C2CD3: variants seen among roughly 807,000 people sequenced by gnomAD.
The protein encoded by C2CD3 is C2 domain-containing protein 3.
C2CD3 carries 148 observed loss-of-function variants against 234.0 expected under a neutral mutation model. That is an observed-to-expected ratio of 0.63 (90% CI 0.55 to 0.72). The LOEUF is 0.72. Among genes scored for constraint, C2CD3 ranks in the 30% least tolerant of loss-of-function variants. The probability of loss-of-function intolerance (pLI) is 0.00; values close to 1 mark genes in which losing one functional copy is unlikely to be tolerated. For missense variants in C2CD3, 2,577 were observed against 2,811.5 expected (o/e 0.92, Z 1.89); for synonymous variants, 1,000 against 1,035.4 (o/e 0.97, Z 0.66).
At chr11:74,013,553 C>T (rs1951769744) in intron 32 of C2CD3, 28 bp from the exon 33 acceptor site, 2 of 1,302,734 alleles carry the variant, frequency 1.5e-6, no homozygotes, top group African/African-American at 1.5e-5. Flanking sequence ...AGCTAGGTTA[C>T]CACTGAGGAT....
At chr11:74,042,852 C>T (rs1446104465) in intron 28 of C2CD3, among the ~76,000 whole-genome samples, 1 of 152,070 alleles carries the variant, frequency 6.6e-6, no homozygotes, top group African/African-American at 2.4e-5. Flanking sequence ...TATTATATGC[C>T]AAGCCCTGCT....
rs1271887670 is a variant in C2CD3, at chr11:74,100,550, G to A, written c.2707C>T (p.Leu903Phe). 4 of 1,611,952 alleles carry A rather than the reference G, an allele frequency of 2.5e-6. No individual in the cohort carries two copies. The African/African-American group carries it at 4.0e-5, about 16-fold the overall frequency. ...TTGAATGACATGTAAAACTGGTGGA[G>A]GGGAAGTTTCACCAGCCCGAGCAGC... ...DKLLGLVKLPLHQFYMSFKDA... is the reference protein window; with the variant it reads ...DKLLGLVKLPFHQFYMSFKDA... The change falls in exon 15 of 33, where the codon CTC (leucine) becomes TTC (phenylalanine). Residue 903 changes from leucine to phenylalanine, a missense_variant. Physicochemically the swap from Leu to Phe is conservative, Grantham distance 22 (BLOSUM62 0). Coordinates refer to ENST00000334126, the MANE Select transcript of C2CD3 (RefSeq NM_001286577.2).
At chr11:74,121,430 A>C (rs1957210898) in intron 8 of C2CD3, among the ~76,000 whole-genome samples, 1 of 151,722 alleles carries the variant, frequency 6.6e-6, no homozygotes, top group South Asian at 2.1e-4. Flanking sequence ...AACATGGTGA[A>C]GGCCTGTCTC....
intron 19 of C2CD3, among the ~76,000 whole-genome samples, chr11:74,091,672 T>G (rs1191844995): frequency 6.6e-6 from 1 of 152,220 alleles, no homozygotes; most frequent in African/African-American, 2.4e-5. Context: ...TCCCTTACAG[T>G]GAATTCCTGG....
intron 32 of C2CD3, among the ~76,000 whole-genome samples, chr11:74,023,422 AG>A (rs1424709299): frequency 1.3e-5 from 2 of 152,242 alleles, no homozygotes; most frequent in Non-Finnish European, 2.9e-5. Context: ...GATACAGGAC[AG>A]GGCTCCTGCC....
At chr11:74,133,124 C>T in intron 6 of C2CD3, 152 bp from the exon 7 acceptor site, 1 of 737,800 alleles carries the variant, frequency 1.4e-6, no homozygotes, top group Non-Finnish European at 2.2e-6. Context: ...CTTTGCAAAG[C>T]TCTTTCCTAC....
intron 8 of C2CD3, among the ~76,000 whole-genome samples, chr11:74,120,827 A>T (rs1957187096): frequency 6.6e-6 from 1 of 152,178 alleles, no homozygotes; most frequent in Admixed American, 6.5e-5. Flanking sequence ...TTCAACATTC[A>T]AAGTAGAAGG....
Position 74,074,284 on chromosome 11 carries a change from T to C in C2CD3, c.4920A>G (p.Leu1640=). The C allele has an allele frequency of 1.2e-6, 2 of 1,614,092 alleles. No homozygotes were observed. Among genetic ancestry groups the C allele is most frequent in the East Asian group, 2.2e-5 (1 of 44,884 alleles). Residue 1640 remains leucine, a synonymous_variant, in exon 24 of 33, where the codon CTA becomes CTG. Transcript: ENST00000334126. ...AGCTCAAGTGCATTGCTCTTTCTACTAGGATGCTGACTGCAAACGTTCCAT... is the reference window on the plus strand; with the variant it reads ...AGCTCAAGTGCATTGCTCTTTCTACCAGGATGCTGACTGCAAACGTTCCAT... The part of the protein sequence containing the change: ...DLDGTFAVSI[L]VERAMHLSLK...
chr11:74,029,650 G>A (rs1033467103), intron 31 of C2CD3, among the ~76,000 whole-genome samples: 1 of 152,246 alleles, frequency 6.6e-6, no homozygotes, highest in Non-Finnish European at 1.5e-5. Flanking sequence ...ACTTTGCTGT[G>A]AGGTGTCAGG....
intron 25 of C2CD3, among the ~76,000 whole-genome samples, chr11:74,055,039 A>T (rs1228252493): frequency 6.6e-6 from 1 of 152,220 alleles, no homozygotes. Flanking sequence ...AATGGAGAGA[A>T]GGGAAGAGGA....
intron 14 of C2CD3, among the ~76,000 whole-genome samples, chr11:74,101,534 C>T (rs1956315713): frequency 6.6e-6 from 1 of 152,196 alleles, no homozygotes; most frequent in Non-Finnish European, 1.5e-5. Flanking sequence ...GAACACATTT[C>T]TGTTCCTTGA....
chr11:74,033,547 A>G lies in C2CD3; in HGVS notation c.6613T>C (p.Ser2205Pro). 1 of 1,536,118 alleles carries G rather than the reference A, an allele frequency of 6.5e-7. No individual in the cohort carries two copies. The highest frequency in any genetic ancestry group is 2.4e-5 in the East Asian group (1 of 40,914). Residue 2205 changes from serine to proline, a missense_variant, in exon 31 of 33, where the codon TCA becomes CCA. Coordinates refer to ENST00000334126, the MANE Select transcript of C2CD3 (RefSeq NM_001286577.2). ...GCTTCATTCTCAGCTGGGGCCTCTG[A>G]CTTGGGCTCCTTGTTCTGATCTGTC... ...PQTDQNKEPK[S>P]EAPAENEAAT...
At chr11:74,133,691 A>G in intron 5 of C2CD3, 134 bp from the exon 6 acceptor site, 1 of 833,744 alleles carries the variant, frequency 1.2e-6, no homozygotes, top group South Asian at 1.7e-5. Context: ...CTTCCCCATT[A>G]GCTTGAGAAT....
At chr11:74,105,820 C>T (rs762438728) in intron 13 of C2CD3, among the ~76,000 whole-genome samples, 1 of 152,152 alleles carries the variant, frequency 6.6e-6, no homozygotes, top group Admixed American at 6.5e-5. Context: ...TTCCTCTTGC[C>T]GTCTATTCTC....
At chr11:74,140,437 C>A (rs1958016837) in intron 3 of C2CD3, among the ~76,000 whole-genome samples, 1 of 152,172 alleles carries the variant, frequency 6.6e-6, no homozygotes, top group Non-Finnish European at 1.5e-5. Context: ...AGCATAATCA[C>A]CATTTACTGA....
chr11:74,148,641 T>C (rs1248086857), intron 3 of C2CD3, among the ~76,000 whole-genome samples: 3 of 152,112 alleles, frequency 2.0e-5, no homozygotes, highest in Non-Finnish European at 4.4e-5. Context: ...CAACAAAGCT[T>C]CCTCTCTCAA....
At chr11:74,075,544 C>A (rs1954997844) in intron 23 of C2CD3, among the ~76,000 whole-genome samples, 1 of 152,052 alleles carries the variant, frequency 6.6e-6, no homozygotes, top group African/African-American at 2.4e-5. Flanking sequence ...TACTAACTTG[C>A]TGAATATTAA....
intron 12 of C2CD3, chr11:74,107,789 A>G (rs1414921483): frequency 2.0e-5 from 3 of 152,204 alleles, no homozygotes; most frequent in African/African-American, 7.2e-5. Context: ...AATTACAGGC[A>G]ATTTTTGCCT....
chr11:74,113,706 A>G (rs1565308795), intron 11 of C2CD3, 74 bp downstream of exon 11: 1 of 878,130 alleles, frequency 1.1e-6, no homozygotes, highest in Admixed American at 1.8e-5. Flanking sequence ...AAAAAGTCAA[A>G]TGAGTAATTA....
Sources: allele counts gnomAD v4.1 joint callset (sites outside exome capture counted in the v4.1 genomes callset), GRCh38; gene constraint gnomAD v4.1.1; transcripts MANE v1.5; gene names NCBI Gene and HGNC (gene_info 2026-07-23, HGNC 2026-07-21).